Variants in MACROD2 observed in about 807,000 individuals in gnomAD.
MACROD2 encodes the protein ADP-ribose glycohydrolase MACROD2.
A neutral mutation model predicts 70.4 loss-of-function variants in MACROD2; 36 were observed. The observed-to-expected ratio is 0.51, with a 90% CI of 0.39 to 0.68. MACROD2 has a LOEUF of 0.68. MACROD2 is among the 30% of genes least tolerant of loss of function. The pLI is 0.00. For missense variants in MACROD2, 496 were observed against 538.4 expected (o/e 0.92, Z 0.78); for synonymous variants, 172 against 178.8 (o/e 0.96, Z 0.30).
intron 3 of MACROD2, among the ~76,000 whole-genome samples, chr20:14,391,889 G>A (rs908836569): frequency 1.3e-5 from 2 of 149,790 alleles, no homozygotes; most frequent in Non-Finnish European, 3.0e-5. Context: ...CTAACTGGAT[G>A]ATGGGACATT....
At chr20:15,162,934 T>C (rs2076358626) in intron 5 of MACROD2, among the ~76,000 whole-genome samples, 1 of 152,020 alleles carries the variant, frequency 6.6e-6, no homozygotes, top group Non-Finnish European at 1.5e-5. Context: ...TAAAATAATA[T>C]GCATTAAACA....
chr20:14,336,186 C>T (rs948807342), intron 3 of MACROD2, among the ~76,000 whole-genome samples: 11 of 151,872 alleles, frequency 7.2e-5, no homozygotes, highest in Admixed American at 2.0e-4. Flanking sequence ...TTTCTAGTGG[C>T]TTTATTTATG....
intron 2 of MACROD2, among the ~76,000 whole-genome samples, chr20:14,062,814 C>T (rs1440688534): frequency 6.6e-6 from 1 of 152,124 alleles, no homozygotes. Context: ...AATACAGAAT[C>T]TAATGAAATC....
intron 8 of MACROD2, among the ~76,000 whole-genome samples, chr20:15,860,180 A>G (rs999515764): frequency 1.3e-5 from 2 of 152,062 alleles, no homozygotes; most frequent in Non-Finnish European, 2.9e-5. Context: ...AGAGAATAAC[A>G]TTGCCATTAA....
intron 5 of MACROD2, among the ~76,000 whole-genome samples, chr20:15,018,957 G>C (rs1206837198): frequency 6.6e-6 from 1 of 152,190 alleles, no homozygotes; most frequent in Non-Finnish European, 1.5e-5. Context: ...AAGCTGAGCA[G>C]ATGCTGGTGT....
chr20:14,326,801 A>C lies in MACROD2; in HGVS notation c.272-166678A>C. On this transcript the variant is annotated intron_variant, in intron 3 of 17. Coordinates refer to ENST00000684519, the MANE Select transcript of MACROD2 (RefSeq NM_001351661.2). This position sits in a 1 kb window ranked among gnomAD's most constrained non-coding sequence, Gnocchi z 5.5. ...AGGTTTACTGGTGCAGCAGTCAGGG[A>C]ATTCCGCACCAGGGACAGCTCTGTC... 6.2e-7 allele frequency: 1 copy of C among 1,613,808 alleles called. No individual in the cohort carries two copies. Among genetic ancestry groups the C allele is most frequent in the South Asian group, 1.1e-5 (1 of 91,084 alleles).
intron 15 of MACROD2, among the ~76,000 whole-genome samples, chr20:16,027,777 CA>C (rs2067100359): frequency 6.6e-6 from 1 of 152,130 alleles, no homozygotes. Flanking sequence ...TGCAGAGAAA[CA>C]AAAGCCACAA....
chr20:15,390,697 TA>T (rs550206429), intron 6 of MACROD2, among the ~76,000 whole-genome samples: 1 of 152,046 alleles, frequency 6.6e-6, no homozygotes, highest in Non-Finnish European at 1.5e-5. Flanking sequence ...TACTAAGCAT[TA>T]AAAAAAATCT....
intron 3 of MACROD2, among the ~76,000 whole-genome samples, chr20:14,241,752 G>C (rs1329599126): frequency 6.6e-6 from 1 of 152,016 alleles, no homozygotes; most frequent in Non-Finnish European, 1.5e-5. Flanking sequence ...TTACAAGGAG[G>C]GGCCCTGTAG....
chr20:15,551,555 TTCTAC>T (rs2048097244), intron 8 of MACROD2, among the ~76,000 whole-genome samples: 1 of 152,174 alleles, frequency 6.6e-6, no homozygotes, highest in African/African-American at 2.4e-5. Flanking sequence ...TGCCTTACAT[TTCTAC>T]TCACATCATG....
At chr20:14,612,703 C>T (rs77206696) in intron 4 of MACROD2, among the ~76,000 whole-genome samples, 4,385 of 152,028 alleles carry the variant, frequency 0.029, 96 homozygotes, top group Non-Finnish European at 0.039. Context: ...GGTCGGACCT[C>T]CCTAAAACAA....
At chr20:14,528,868 C>T (rs1200374045) in intron 4 of MACROD2, among the ~76,000 whole-genome samples, 1 of 152,098 alleles carries the variant, frequency 6.6e-6, no homozygotes, top group Non-Finnish European at 1.5e-5. Flanking sequence ...TAATTTGACC[C>T]CTCTACCCAC....
At chr20:14,098,665 C>T (rs917805318) in intron 3 of MACROD2, among the ~76,000 whole-genome samples, 8 of 151,998 alleles carry the variant, frequency 5.3e-5, no homozygotes, top group Admixed American at 5.2e-4. Context: ...TGTATTTGTT[C>T]AGTAAAACTG....
At chr20:15,762,280 G>A (rs2051448255) in intron 8 of MACROD2, among the ~76,000 whole-genome samples, 1 of 152,162 alleles carries the variant, frequency 6.6e-6, no homozygotes. Context: ...TTACTCACGT[G>A]GAAAGTAAGG....
At chr20:14,793,627 C>A (rs2072476362) in intron 5 of MACROD2, among the ~76,000 whole-genome samples, 1 of 151,994 alleles carries the variant, frequency 6.6e-6, no homozygotes, top group South Asian at 2.1e-4. Context: ...GAGCCAACAG[C>A]AATCCTAAGG....
intron 5 of MACROD2, among the ~76,000 whole-genome samples, chr20:15,108,617 T>A (rs1401755382): frequency 6.6e-6 from 1 of 152,236 alleles, no homozygotes; most frequent in Non-Finnish European, 1.5e-5. Flanking sequence ...TTATCATTTT[T>A]CACTGGTTCT....
chr20:14,952,598 G>T (rs940750923), intron 5 of MACROD2, among the ~76,000 whole-genome samples: 2 of 152,002 alleles, frequency 1.3e-5, no homozygotes, highest in Non-Finnish European at 2.9e-5. Context: ...ACTCACATTA[G>T]TATTGATTAA....
chr20:15,217,436 A>G (rs1460462398), intron 5 of MACROD2, among the ~76,000 whole-genome samples: 3 of 152,150 alleles, frequency 2.0e-5, no homozygotes, highest in African/African-American at 7.2e-5. Context: ...CCCAGTTCAC[A>G]CAGTGAGTGA....
Position 15,349,623 on chromosome 20 carries a change from G to A in MACROD2, c.541-81782G>A, listed in dbSNP as rs550826966. ...TAAAAAAAATTAGCTGGGCATGGGG[G>A]CACACTCCTGTAATCCCAGCTACTC... On this transcript the variant is annotated intron_variant, in intron 6 of 17. Transcript: ENST00000684519. 1.1e-4 allele frequency among the ~76,000 whole-genome samples: 16 copies of A among 152,094 alleles called. No individual in the cohort carries two copies. In the East Asian group the frequency reaches 2.3e-3, roughly 22 times the overall value.
Sources: allele counts gnomAD v4.1 joint callset (sites outside exome capture counted in the v4.1 genomes callset), GRCh38; gene constraint gnomAD v4.1.1; non-coding constraint Gnocchi (gnomAD v3.1); transcripts MANE v1.5; gene names NCBI Gene and HGNC (gene_info 2026-07-23, HGNC 2026-07-21).